IPO11: variants seen among roughly 807,000 people sequenced by gnomAD.
The protein encoded by IPO11 is importin-11.
A neutral mutation model predicts 143.2 loss-of-function variants in IPO11; 66 were observed. The ratio of observed to expected loss-of-function variants is 0.46; its 90% CI spans 0.38 to 0.57. The LOEUF (loss-of-function observed/expected upper bound fraction) is 0.57, where lower values mean the gene tolerates loss of function less well. IPO11 is among the 20% of genes least tolerant of loss of function. The pLI is 0.00. For missense variants in IPO11, 1,026 were observed against 1,141.0 expected, an observed-to-expected ratio of 0.90 and a Z score of 1.45; for synonymous variants, 385 against 377.8, an observed-to-expected ratio of 1.02 and a Z score of -0.22.
At chr5:62,526,548 C>T (rs554418030) in intron 21 of IPO11, 1 of 254,834 alleles carries the variant, frequency 3.9e-6, no homozygotes, top group South Asian at 5.6e-5. Flanking sequence ...TACTGACTTA[C>T]AATTTCCAGT....
intron 24 of IPO11, among the ~76,000 whole-genome samples, chr5:62,543,793 G>C (rs1203126495): frequency 6.6e-6 from 1 of 151,974 alleles, no homozygotes; most frequent in Non-Finnish European, 1.5e-5. Context: ...GTCAATTTTA[G>C]ATCTTTCCTG....
intron 29 of IPO11, among the ~76,000 whole-genome samples, chr5:62,610,558 A>C (rs951536640): frequency 1.3e-5 from 2 of 152,204 alleles, no homozygotes; most frequent in African/African-American, 4.8e-5. Flanking sequence ...CAGTTTATAA[A>C]AATGTGTGCA....
intron 26 of IPO11, 145 bp downstream of exon 26, chr5:62,551,481 A>G (rs1438948074): frequency 1.0e-5 from 5 of 498,264 alleles, no homozygotes; most frequent in East Asian, 6.2e-5. Flanking sequence ...CTGTATCAAT[A>G]ATTTGGGGTA....
intron 26 of IPO11, among the ~76,000 whole-genome samples, chr5:62,559,603 T>TG (rs1743698342): frequency 6.6e-6 from 1 of 152,142 alleles, no homozygotes; most frequent in African/African-American, 2.4e-5. Context: ...TTTTTGTTTT[T>TG]TTTTCCTCAT....
At chr5:62,492,795 C>T (rs889782474) in intron 15 of IPO11, among the ~76,000 whole-genome samples, 1 of 152,130 alleles carries the variant, frequency 6.6e-6, no homozygotes, top group African/African-American at 2.4e-5. Context: ...ACCTCAGCCT[C>T]CCAAATGCTG....
At chr5:62,508,985 A>G (rs1400884498) in intron 19 of IPO11, among the ~76,000 whole-genome samples, 1 of 152,222 alleles carries the variant, frequency 6.6e-6, no homozygotes, top group African/African-American at 2.4e-5. Flanking sequence ...TGTCCTTTGC[A>G]GGGACATGGA....
At chr5:62,451,968 A>C (rs1218752178) in intron 5 of IPO11, 35 bp downstream of exon 5, 1 of 1,567,590 alleles carries the variant, frequency 6.4e-7, no homozygotes, top group Non-Finnish European at 8.8e-7. Context: ...TTGATTATGA[A>C]AATTGTGCGG....
intron 27 of IPO11, among the ~76,000 whole-genome samples, chr5:62,562,941 A>G (rs1743821048): frequency 6.6e-6 from 1 of 152,358 alleles, no homozygotes; most frequent in East Asian, 1.9e-4. Flanking sequence ...CTCACAGAGC[A>G]AACAATTACT....
chr5:62,480,176 G>A (rs189883636), intron 9 of IPO11, among the ~76,000 whole-genome samples: 66 of 152,282 alleles, frequency 4.3e-4, no homozygotes, highest in Middle Eastern at 3.4e-3. Flanking sequence ...AGTTTTCCCA[G>A]CACCATTTAT....
rs989706620 is a variant in IPO11 at position 62,501,924 on chromosome 5, C to T, written c.1591-2743C>T. Among the ~76,000 whole-genome samples the T allele has an allele frequency of 9.9e-5, 15 of 152,256 alleles. No homozygotes were observed. The East Asian group carries it at 2.5e-3, about 25-fold the overall frequency. ...CTGAGATACTGCCATTTCTTTCTGGCCCCAACACCATGCTCACTGTTTTAG... is the reference window on the plus strand; with the variant it reads ...CTGAGATACTGCCATTTCTTTCTGGTCCCAACACCATGCTCACTGTTTTAG... On this transcript the variant is annotated intron_variant, in intron 16 of 29. Transcript: ENST00000325324.
rs1242820327 is a variant in IPO11, at chr5:62,470,447, T to A, written c.708+139T>A. On this transcript the variant is annotated intron_variant, in intron 7 of 29. Transcript: ENST00000325324. ...ATCTAGTTTTTTACCATTCTGACTTTTAGACTTCTGGTCTGTTTTCACTAC... is the reference window on the plus strand; with the variant it reads ...ATCTAGTTTTTTACCATTCTGACTTATAGACTTCTGGTCTGTTTTCACTAC... 12 of 740,916 alleles carry A rather than the reference T, an allele frequency of 1.6e-5. No homozygotes were observed. The East Asian group carries it at 3.2e-4, about 20-fold the overall frequency. The allele number at this position is 740,916 out of a possible 1,614,324, so 45.9% of individuals were successfully genotyped here. A position where few individuals can be genotyped will look rare whatever the true frequency, so the allele number is the denominator to read the frequency against.
rs772964199 is a variant in IPO11, at chr5:62,451,786, A to C, written c.369A>C (p.Arg123Ser). The change falls in exon 5 of 30, where the codon AGA (arginine) becomes AGC (serine). Residue 123 changes from arginine (R) to serine (S), a missense_variant. Arg to Ser is a moderately radical substitution (Grantham distance 110, BLOSUM62 -1). Coordinates refer to ENST00000325324, the MANE Select transcript of IPO11 (RefSeq NM_016338.5). Reference protein sequence around the residue: ...IAKVARLDCPRQWPELIPTLI... With the variant: ...IAKVARLDCPSQWPELIPTLI... ...AAGTTGCTAGATTGGATTGTCCCAG[A>C]CAGTGGCCTGAACTAATTCCCACTC... 2 of 1,614,056 alleles carry C rather than the reference A, an allele frequency of 1.2e-6. No homozygotes were observed. The highest frequency in any genetic ancestry group is 1.3e-5 in the African/African-American group (1 of 74,924).
At chr5:62,619,563 G>T (rs999504470) in intron 29 of IPO11, among the ~76,000 whole-genome samples, 1 of 151,996 alleles carries the variant, frequency 6.6e-6, no homozygotes, top group Non-Finnish European at 1.5e-5. Context: ...GTTTGAAACT[G>T]CACAAACAGG....
In IPO11 at chr5:62,569,875, T is replaced by C. The variant is rs1744077151; in HGVS notation, c.2582+8618T>C. On this transcript the variant is annotated intron_variant, in intron 27 of 29. Transcript: ENST00000325324. The stretch of plus-strand genomic sequence containing the variant: ...TTACATTATGTATGTTTTCCTTCTT[T>C]TTATATAATCTAATGCAATTTGTAG... Among the ~76,000 whole-genome samples the C allele has an allele frequency of 2.0e-5, 3 of 152,366 alleles. No individual in the cohort carries two copies. In the South Asian group the frequency reaches 6.2e-4, roughly 32 times the overall value.
intron 24 of IPO11, among the ~76,000 whole-genome samples, chr5:62,547,012 G>A (rs1743224764): frequency 6.6e-6 from 1 of 151,952 alleles, no homozygotes; most frequent in Admixed American, 6.6e-5. Context: ...GATTTAGGGG[G>A]AAAAATAAAA....
At position 62,505,009 on chromosome 5, in the gene IPO11, T is replaced by C. The variant is rs968711782; in HGVS notation, c.1665+111T>C. 22 of 576,350 alleles carry C rather than the reference T, an allele frequency of 3.8e-5. 1 individual carries two copies. Among genetic ancestry groups the C allele is most frequent in the Middle Eastern group, 4.2e-4 (1 of 2,368 alleles). 35.7% of individuals were successfully genotyped at this position (576,350 alleles called of 1,614,324 possible). ...ATGTGTTACTTATTAAAGTTGAATT[T>C]AAAAGTATGCTGTATTGGATTATTT... On this transcript the variant is annotated intron_variant, in intron 18 of 29. Coordinates refer to ENST00000325324, the MANE Select transcript of IPO11 (RefSeq NM_016338.5).
chr5:62,505,691 A>G (rs1741531441), intron 18 of IPO11, among the ~76,000 whole-genome samples: 1 of 152,106 alleles, frequency 6.6e-6, no homozygotes, highest in Non-Finnish European at 1.5e-5. Context: ...ACAGCCAGAC[A>G]TAGGGTATTT....
chr5:62,584,669 C>T (rs1319040029), intron 27 of IPO11, among the ~76,000 whole-genome samples: 1 of 130,578 alleles, frequency 7.7e-6, no homozygotes, highest in Admixed American at 7.8e-5. Flanking sequence ...GCAATAGTAA[C>T]AAGGTAATAG....
rs940730245 is a variant in IPO11 at position 62,577,859 on chromosome 5, C to G, written c.2583-13718C>G. On this transcript the variant is annotated intron_variant, in intron 27 of 29. Transcript: ENST00000325324. ...AGGAGAGTTGTATACAATTATATAA[C>G]TTGATATTTTAGGAATATTATCAGG... is the stretch of plus-strand genomic sequence containing the variant. Among the ~76,000 whole-genome samples the G allele has an allele frequency of 2.0e-5, 3 of 151,898 alleles. No individual in the cohort carries two copies. The South Asian group carries it at 6.2e-4, about 31-fold the overall frequency.
Sources: gnomAD v4.1 joint callset for allele counts (sites outside exome capture counted in the v4.1 genomes callset) on GRCh38, gnomAD v4.1.1 for gene constraint, MANE v1.5 for transcripts, NCBI Gene and HGNC (gene_info 2026-07-23, HGNC 2026-07-21) for gene names.